The following CFAP44 variants were observed in gnomAD, a reference collection of about 807,000 sequenced individuals.
CFAP44 encodes the protein cilia and flagella associated protein 44.
CFAP44 carries 134 observed loss-of-function variants against 216.2 expected under a neutral mutation model. That is an observed-to-expected ratio of 0.62 (90% CI 0.54 to 0.72). The LOEUF is 0.72. Ranked by LOEUF, CFAP44 falls within the 30% of genes least tolerant of loss-of-function variation. The pLI is 0.00. For missense variants in CFAP44, 2,035 were observed against 2,182.1 expected (o/e 0.93, Z 1.34); for synonymous variants, 700 against 727.6 (o/e 0.96, Z 0.61).
intron 6 of CFAP44, among the ~76,000 whole-genome samples, chr3:113,411,831 G>C (rs1490446832): frequency 6.6e-6 from 1 of 152,148 alleles, no homozygotes; most frequent in African/African-American, 2.4e-5. Flanking sequence ...GCAGTGGTTT[G>C]TAGTTCTCCT....
chr3:113,352,207 T>TA (rs1263585428), intron 22 of CFAP44, among the ~76,000 whole-genome samples: 6 of 152,224 alleles, frequency 3.9e-5, no homozygotes, highest in African/African-American at 1.4e-4. Flanking sequence ...CAGCACTCTG[T>TA]AAAATGGACC....
intron 18 of CFAP44, among the ~76,000 whole-genome samples, chr3:113,370,177 C>T (rs1450845170): frequency 6.6e-6 from 1 of 152,188 alleles, no homozygotes; most frequent in Non-Finnish European, 1.5e-5. Context: ...ACCACTCCTT[C>T]TGAAACTATT....
chr3:113,304,903 G>A (rs1949970569), intron 31 of CFAP44, 133 bp downstream of exon 31: 9 of 688,924 alleles, frequency 1.3e-5, no homozygotes, highest in Admixed American at 8.1e-5. Context: ...AAGTGTAGGT[G>A]TCATTCTACA....
intron 13 of CFAP44, among the ~76,000 whole-genome samples, chr3:113,399,046 G>A (rs1934066945): frequency 6.6e-6 from 1 of 152,148 alleles, no homozygotes; most frequent in African/African-American, 2.4e-5. Flanking sequence ...CATGTAAAAA[G>A]TGTGTGACTG....
intron 18 of CFAP44, among the ~76,000 whole-genome samples, chr3:113,370,316 A>G (rs1375035013): frequency 2.0e-5 from 3 of 152,364 alleles, no homozygotes; most frequent in South Asian, 4.1e-4. Flanking sequence ...ATGAACATAG[A>G]CACAAAAATC....
At chr3:113,311,983 C>T (rs1284856134) in intron 28 of CFAP44, among the ~76,000 whole-genome samples, 9 of 151,446 alleles carry the variant, frequency 5.9e-5, no homozygotes, top group East Asian at 1.9e-4. Context: ...AGGTGTCTGG[C>T]GGGAGAAAAT....
At chr3:113,344,932 T>C (rs1950366669) in intron 22 of CFAP44, among the ~76,000 whole-genome samples, 1 of 151,612 alleles carries the variant, frequency 6.6e-6, no homozygotes, top group East Asian at 1.9e-4. Flanking sequence ...ACTAAACAAC[T>C]CATTATTAAT....
intron 2 of CFAP44, among the ~76,000 whole-genome samples, chr3:113,429,978 G>A (rs1177443216): frequency 2.0e-5 from 3 of 151,982 alleles, no homozygotes; most frequent in Non-Finnish European, 4.4e-5. Flanking sequence ...CAACCATCCT[G>A]ACCTGACATT....
intron 7 of CFAP44, 94 bp from the exon 8 acceptor site, chr3:113,407,135 T>C (rs1934306903): frequency 6.5e-6 from 6 of 920,414 alleles, no homozygotes; most frequent in Non-Finnish European, 1.0e-5. Context: ...CATAGTTGCA[T>C]ATATTATTTC....
intron 17 of CFAP44, among the ~76,000 whole-genome samples, chr3:113,376,824 A>G (rs1933359046): frequency 6.6e-6 from 1 of 152,238 alleles, no homozygotes; most frequent in South Asian, 2.1e-4. Context: ...AATTAAGATT[A>G]GTACTAGAGC....
intron 18 of CFAP44, among the ~76,000 whole-genome samples, chr3:113,372,521 T>G (rs144873260): frequency 2.0e-5 from 3 of 152,028 alleles, no homozygotes. Context: ...TAGGTGGGAA[T>G]TGAACAATGA....
chr3:113,409,195 C>A lies in CFAP44; in HGVS notation c.801G>T (p.Arg267Ser). The change falls in exon 7 of 35, where the codon AGG (arginine) becomes AGT (serine). Residue 267 changes from arginine (R) to serine (S), a missense_variant. Arg to Ser is a moderately radical substitution (Grantham distance 110, BLOSUM62 -1). Around this residue, in one of 3 missense-constraint regions of CFAP44, gnomAD observed 1,883 missense variants for 2,023.7 expected, o/e 0.93. Coordinates refer to ENST00000393845, the MANE Select transcript of CFAP44 (RefSeq NM_001164496.2). ...WNWKEEQPILRTKAFSQEVFK... is the reference protein window; with the variant it reads ...WNWKEEQPILSTKAFSQEVFK... The stretch of plus-strand genomic sequence containing the variant: ...AAACTTCCTGAGAAAAAGCTTTTGT[C>A]CTTAGTATGGGTTGTTCTTCTTTCC... 3 of 1,613,940 alleles carry A rather than the reference C, an allele frequency of 1.9e-6. No homozygotes were observed. The highest frequency in any genetic ancestry group is 2.5e-6 in the Non-Finnish European group (3 of 1,179,986).
In CFAP44 at chr3:113,400,549, C is replaced by A; in HGVS notation, c.1470G>T (p.Leu490Phe). 6.3e-7 allele frequency: 1 copy of A among 1,598,288 alleles called. No homozygotes were observed. The highest frequency in any genetic ancestry group is 8.5e-7 in the Non-Finnish European group (1 of 1,173,306). The change falls in exon 12 of 35, where the codon TTG (leucine) becomes TTT (phenylalanine). Residue 490 changes from leucine (L) to phenylalanine (F), a missense_variant. Physicochemically the swap from Leu to Phe is conservative, Grantham distance 22. Coordinates refer to ENST00000393845, the MANE Select transcript of CFAP44 (RefSeq NM_001164496.2). ...PLTYLMATTALDCSVRIYDFA... is the reference protein window; with the variant it reads ...PLTYLMATTAFDCSVRIYDFA... ...TTATTAAGAGTTCCTACTTACAGTCCAAGGCAGTTGTGGCCATGAGATAAG... is the reference window on the plus strand; with the variant it reads ...TTATTAAGAGTTCCTACTTACAGTCAAAGGCAGTTGTGGCCATGAGATAAG...
intron 15 of CFAP44, among the ~76,000 whole-genome samples, chr3:113,394,722 G>A (rs1326954750): frequency 1.3e-5 from 2 of 150,948 alleles, no homozygotes; most frequent in African/African-American, 4.9e-5. Context: ...CAGCTGACGA[G>A]CTAAAAAAAA....
Position 113,304,089 on chromosome 3 carries a change from G to T in CFAP44, c.4904C>A (p.Pro1635His). 2.6e-6 allele frequency: 4 copies of T among 1,537,070 alleles called. No individual in the cohort carries two copies. The highest frequency in any genetic ancestry group is 3.5e-6 in the Non-Finnish European group (4 of 1,146,864). The change falls in exon 32 of 35, where the codon CCT becomes CAT. Residue 1635 changes from proline to histidine, a missense_variant. Transcript: ENST00000393845. ...GACCAAAGTACCAGAAAGATCGCTA[G>T]GTATTTCTCCAAATACCACATACTC... ...QIEYVVFGEIPSDLSGTLVFS... is the reference protein window; with the variant it reads ...QIEYVVFGEIHSDLSGTLVFS...
Position 113,373,514 on chromosome 3 carries a change from G to T in CFAP44, c.2341C>A (p.Pro781Thr). The change falls in exon 18 of 35, where the codon CCT becomes ACT. Residue 781 changes from proline (P) to threonine (T), a missense_variant. Pro to Thr is a conservative substitution (Grantham distance 38). This residue lies in a region of CFAP44 where 1,883 missense variants were observed against 2,023.7 expected (regional missense o/e 0.93). Coordinates refer to ENST00000393845, the MANE Select transcript of CFAP44 (RefSeq NM_001164496.2). Reference sequence around the variant, plus strand: ...TTGAAATCACTGCTTTCATCACAAGGGGGGAACTCACAGTGATATAGAAAA... The same window carrying T: ...TTGAAATCACTGCTTTCATCACAAGTGGGGAACTCACAGTGATATAGAAAA... ...SGFLYHCEFPPCDESSDFKEQ... is the reference protein window; with the variant it reads ...SGFLYHCEFPTCDESSDFKEQ... 6.2e-7 allele frequency: 1 copy of T among 1,603,004 alleles called. No individual in the cohort carries two copies. Among genetic ancestry groups the T allele is most frequent in the Non-Finnish European group, 8.5e-7 (1 of 1,174,156 alleles).
intron 1 of CFAP44, chr3:113,434,537 C>A (rs1935190211): frequency 6.6e-6 from 1 of 152,166 alleles, no homozygotes; most frequent in Non-Finnish European, 1.5e-5. Context: ...AGCGACACAA[C>A]AGGTTTTCTC....
Position 113,341,924 on chromosome 3 carries a change from T to G in CFAP44, c.3263-6A>C, listed in dbSNP as rs746602640. 2 of 1,503,434 alleles carry G rather than the reference T, an allele frequency of 1.3e-6. No individual in the cohort carries two copies. Among genetic ancestry groups the G allele is most frequent in the South Asian group, 1.3e-5 (1 of 75,280 alleles). 93.1% of individuals were successfully genotyped at this position (1,503,434 alleles called of 1,614,324 possible). On this transcript the variant is annotated splice_region_variant and splice_polypyrimidine_tract_variant and intron_variant, in intron 23 of 34. Coordinates refer to ENST00000393845, the MANE Select transcript of CFAP44 (RefSeq NM_001164496.2). ...TTGTATGGTAACACTCCCACCTACATAGAGAATCAACATTTTTCAGCCTTT... is the reference window on the plus strand; with the variant it reads ...TTGTATGGTAACACTCCCACCTACAGAGAGAATCAACATTTTTCAGCCTTT...
intron 17 of CFAP44, among the ~76,000 whole-genome samples, chr3:113,375,632 C>G (rs539258735): frequency 6.6e-6 from 1 of 152,138 alleles, no homozygotes; most frequent in South Asian, 2.1e-4. Context: ...TAGAGTGCTA[C>G]GAACTGCAAA....
Sources: gnomAD v4.1 joint callset for allele counts (sites outside exome capture counted in the v4.1 genomes callset) on GRCh38, gnomAD v4.1.1 for gene constraint, gnomAD v4.1.1 regional missense constraint, MANE v1.5 for transcripts, NCBI Gene and HGNC (gene_info 2026-07-23, HGNC 2026-07-21) for gene names.